The following ZNF805 variants were observed in gnomAD, a reference collection of about 807,000 sequenced individuals.
The protein encoded by ZNF805 is zinc finger protein 805, also known as CTC-444N24.8.
In ZNF805, 7 loss-of-function variants were observed where a neutral mutation model predicts 13.6. The observed-to-expected ratio is 0.51, with a 90% confidence interval of 0.29 to 0.97. ZNF805 has a LOEUF of 0.97. ZNF805 is among the 50% of genes least tolerant of loss of function. ZNF805 has a pLI of 0.08. For synonymous variants in ZNF805, 293 were observed against 279.8 expected (o/e 1.05, Z -0.47); for missense variants, 604 against 771.0 (o/e 0.78, Z 2.57).
chr19:57,245,603 C>A (rs549556651), intron 2 of ZNF805, among the ~76,000 whole-genome samples: 2 of 148,622 alleles, frequency 1.3e-5, no homozygotes, highest in Non-Finnish European at 3.0e-5. Context: ...CACGGTGCAA[C>A]CCTGTCTCTA....
chr19:57,253,373 G>A lies in ZNF805; in HGVS notation c.554G>A (p.Cys185Tyr), dbSNP rs1278651331. 1 of 1,562,122 alleles carries A rather than the reference G, an allele frequency of 6.4e-7. No individual in the cohort carries two copies. The highest frequency in any genetic ancestry group is 8.7e-7 in the Non-Finnish European group (1 of 1,152,754). ...RVSLGDDVHD[C>Y]DSHGSGKNPV... ...TCCTTAGGAGATGATGTCCATGACT[G>A]TGACTCACATGGATCAGGTAAAAAT... The change falls in exon 4 of 4, where the codon TGT (cysteine) becomes TAT (tyrosine). Residue 185 changes from cysteine to tyrosine, a missense_variant. By Grantham distance (194) the Cys-to-Tyr change is radical. Transcript: ENST00000414468. The surrounding 1 kb of genome is among the most constrained non-coding windows in gnomAD (Gnocchi z 4.4).
rs1170398174 is a variant in ZNF805 at position 57,261,755 on chromosome 19, T to G, written c.*7052T>G. ...CCTCAAGACCCCTTCCAGATTTGATTTGCTAGGAAGACTCACAGGACTCAG... is the reference window on the plus strand; with the variant it reads ...CCTCAAGACCCCTTCCAGATTTGATGTGCTAGGAAGACTCACAGGACTCAG... On this transcript the variant is annotated 3_prime_UTR_variant, in exon 4 of 4. Coordinates refer to ENST00000414468, the MANE Select transcript of ZNF805 (RefSeq NM_001023563.4). The G allele has an allele frequency of 1.2e-5, 2 of 167,034 alleles. No homozygotes were observed. Among genetic ancestry groups the G allele is most frequent in the Admixed American group, 6.5e-5 (1 of 15,278 alleles). 10.3% of individuals were successfully genotyped at this position (167,034 alleles called of 1,614,324 possible). A position where few individuals can be genotyped will look rare whatever the true frequency, so the allele number is the denominator to read the frequency against.
At chr19:57,242,622 A>G (rs1232286406) in intron 1 of ZNF805, among the ~76,000 whole-genome samples, 1 of 152,190 alleles carries the variant, frequency 6.6e-6, no homozygotes, top group African/African-American at 2.4e-5. Context: ...GGGAAGGAAA[A>G]GGCTAATGGT....
Position 57,258,884 on chromosome 19 carries a change from A to G in ZNF805, c.*4181A>G, listed in dbSNP as rs2087706613. On this transcript the variant is annotated 3_prime_UTR_variant, in exon 4 of 4. Transcript: ENST00000414468. Reference sequence around the variant, plus strand: ...CTAGGGTCAGTCTGCTGGTGTCTCTAAAAGTGTCTTTATGTTCCCTTCATT... The same window carrying G: ...CTAGGGTCAGTCTGCTGGTGTCTCTGAAAGTGTCTTTATGTTCCCTTCATT... Among the ~76,000 whole-genome samples, 1 of 152,140 alleles carries G rather than the reference A, an allele frequency of 6.6e-6. No individual in the cohort carries two copies. The highest frequency in any genetic ancestry group is 2.4e-5 in the African/African-American group (1 of 41,424).
intron 2 of ZNF805, among the ~76,000 whole-genome samples, chr19:57,245,747 C>T (rs2087613604): frequency 6.6e-6 from 1 of 151,768 alleles, no homozygotes; most frequent in African/African-American, 2.4e-5. Flanking sequence ...CCACTGCACT[C>T]CAGCCTGGGC....
chr19:57,245,602 A>AT (rs2087610393), intron 2 of ZNF805, among the ~76,000 whole-genome samples: 2 of 148,278 alleles, frequency 1.3e-5, no homozygotes, highest in African/African-American at 5.0e-5. Context: ...ACACGGTGCA[A>AT]CCCTGTCTCT....
In ZNF805 at chr19:57,240,701, A is replaced by G; in HGVS notation, c.-191A>G. On this transcript the variant is annotated 5_prime_UTR_variant, in exon 1 of 4. An upstream start codon of the reference 5' UTR is lost. Coordinates refer to ENST00000414468, the MANE Select transcript of ZNF805 (RefSeq NM_001023563.4). Reference sequence around the variant, plus strand: ...CCGCCTCCCTGGCGGCGCTGGGGAAATGAGCAGGTAGGAGGCCGACAGCGA... The same window carrying G: ...CCGCCTCCCTGGCGGCGCTGGGGAAGTGAGCAGGTAGGAGGCCGACAGCGA... 1 of 514,730 alleles carries G rather than the reference A, an allele frequency of 1.9e-6. No individual in the cohort carries two copies. Among genetic ancestry groups the G allele is most frequent in the Non-Finnish European group, 3.4e-6 (1 of 291,682 alleles). The allele number at this position is 514,730 out of a possible 1,614,324, so 31.9% of individuals were successfully genotyped here.
Position 57,240,723 on chromosome 19 carries a change from G to T in ZNF805, c.-169G>T. On this transcript the variant is annotated 5_prime_UTR_variant, in exon 1 of 4. Coordinates refer to ENST00000414468, the MANE Select transcript of ZNF805 (RefSeq NM_001023563.4). ...GAAATGAGCAGGTAGGAGGCCGACA[G>T]CGACCTCCGCGTCTCGGAGCGAACC... The T allele has an allele frequency of 5.1e-6, 3 of 588,452 alleles. No individual in the cohort carries two copies. The highest frequency in any genetic ancestry group is 8.7e-6 in the Non-Finnish European group (3 of 346,534). 36.5% of individuals were successfully genotyped at this position (588,452 alleles called of 1,614,324 possible).
At chr19:57,250,139 T>C (rs1280907491) in intron 3 of ZNF805, among the ~76,000 whole-genome samples, 1 of 152,210 alleles carries the variant, frequency 6.6e-6, no homozygotes. Context: ...CCTCCATGAG[T>C]CCCTGCATCC....
At chr19:57,249,462 G>A (rs973167482) in intron 3 of ZNF805, among the ~76,000 whole-genome samples, 2 of 152,172 alleles carry the variant, frequency 1.3e-5, no homozygotes, top group South Asian at 4.1e-4. Context: ...GTTTGAAGTT[G>A]TAATCATGTG....
At chr19:57,252,776 CTATT>C (rs775084798) in intron 3 of ZNF805, among the ~76,000 whole-genome samples, 1 of 152,094 alleles carries the variant, frequency 6.6e-6, no homozygotes, top group Non-Finnish European at 1.5e-5. Context: ...TTAGGATAAA[CTATT>C]TAGGTACCTA....
chr19:57,254,886 AT>A lies in ZNF805; in HGVS notation c.*188del. The A allele has an allele frequency of 1.6e-6, 1 of 618,478 alleles. No individual in the cohort carries two copies. Among genetic ancestry groups the A allele is most frequent in the Non-Finnish European group, 2.8e-6 (1 of 359,944 alleles). The allele number at this position is 618,478 out of a possible 1,614,324, so 38.3% of individuals were successfully genotyped here. A position where few individuals can be genotyped will look rare whatever the true frequency, so the allele number is the denominator to read the frequency against. ...TTTACAGTGCAATGTTATCTCAGGA[AT>A]TTTTATAAACAGAAAGAGGTGACAT... On this transcript the variant is annotated 3_prime_UTR_variant, in exon 4 of 4. Transcript: ENST00000414468.
chr19:57,245,247 T>C (rs1292628785), intron 2 of ZNF805, among the ~76,000 whole-genome samples: 1 of 152,206 alleles, frequency 6.6e-6, no homozygotes, highest in Non-Finnish European at 1.5e-5. Flanking sequence ...GCATTTGCTG[T>C]TCTCTTTGAT....
At chr19:57,246,975 C>T (rs967459485) in intron 2 of ZNF805, among the ~76,000 whole-genome samples, 24 of 151,864 alleles carry the variant, frequency 1.6e-4, no homozygotes, top group Admixed American at 3.3e-4. Flanking sequence ...GAAACACCTT[C>T]ATTTTATGAA....
chr19:57,259,404 T>G lies in ZNF805; in HGVS notation c.*4701T>G, dbSNP rs560615993. On this transcript the variant is annotated 3_prime_UTR_variant, in exon 4 of 4. Coordinates refer to ENST00000414468, the MANE Select transcript of ZNF805 (RefSeq NM_001023563.4). Reference sequence around the variant, plus strand: ...GTTGACTTTTTTTCAGCTCACTGATTCTTTTTTTCTGCCATATGCAGTCTA... The same window carrying G: ...GTTGACTTTTTTTCAGCTCACTGATGCTTTTTTTCTGCCATATGCAGTCTA... Among the ~76,000 whole-genome samples the G allele has an allele frequency of 6.6e-6, 1 of 152,312 alleles. No individual in the cohort carries two copies. The highest frequency in any genetic ancestry group is 2.1e-4 in the South Asian group (1 of 4,826).
chr19:57,246,500 G>A (rs186016152), intron 2 of ZNF805, among the ~76,000 whole-genome samples: 129 of 152,198 alleles, frequency 8.5e-4, no homozygotes, highest in Non-Finnish European at 1.6e-3. Flanking sequence ...AAAGCAGCCC[G>A]GGCATGGTGG....
chr19:57,253,564 C>T lies in ZNF805; in HGVS notation c.745C>T (p.His249Tyr). 6.2e-7 allele frequency: 1 copy of T among 1,613,918 alleles called. No homozygotes were observed. ...TAGCAAGAGTACATACCTCCTGCAGCACCACATGGTCCACACTGGGGAGAA... is the reference window on the plus strand; with the variant it reads ...TAGCAAGAGTACATACCTCCTGCAGTACCACATGGTCCACACTGGGGAGAA... ...TFSKSTYLLQ[H>Y]HMVHTGEKPY... The change falls in exon 4 of 4, where the codon CAC (histidine) becomes TAC (tyrosine). Residue 249 changes from histidine (H) to tyrosine (Y), a missense_variant. By Grantham distance (83) the His-to-Tyr change is moderately conservative. Around this residue, in one of 3 missense-constraint regions of ZNF805, gnomAD observed 327 missense variants for 378.2 expected, o/e 0.86. Transcript: ENST00000414468. The surrounding 1 kb of genome is among the most constrained non-coding windows in gnomAD (Gnocchi z 4.4).
Position 57,259,133 on chromosome 19 carries a change from T to C in ZNF805, c.*4430T>C, listed in dbSNP as rs1427253021. ...AAGTTTGGTTATGAGGTGTGTGACA[T>C]GGAATTTTTTTGAGTGTATCATGTT... On this transcript the variant is annotated 3_prime_UTR_variant, in exon 4 of 4. Transcript: ENST00000414468. 6.6e-6 allele frequency among the ~76,000 whole-genome samples: 1 copy of C among 152,204 alleles called. No individual in the cohort carries two copies. Among genetic ancestry groups the C allele is most frequent in the Non-Finnish European group, 1.5e-5 (1 of 68,038 alleles).
In ZNF805 at chr19:57,261,153, C is replaced by T. The variant is rs2087721472; in HGVS notation, c.*6450C>T. 6.6e-6 allele frequency among the ~76,000 whole-genome samples: 1 copy of T among 152,316 alleles called. No individual in the cohort carries two copies. The highest frequency in any genetic ancestry group is 1.5e-5 in the Non-Finnish European group (1 of 68,028). Reference sequence around the variant, plus strand: ...GTTTCCTGGTCATCACTTGTTTTTACTAAAATGGGTCAAACTGTGCTCATT... The same window carrying T: ...GTTTCCTGGTCATCACTTGTTTTTATTAAAATGGGTCAAACTGTGCTCATT... On this transcript the variant is annotated 3_prime_UTR_variant, in exon 4 of 4. Coordinates refer to ENST00000414468, the MANE Select transcript of ZNF805 (RefSeq NM_001023563.4).
Sources: allele counts gnomAD v4.1 joint callset (sites outside exome capture counted in the v4.1 genomes callset), GRCh38; gene constraint gnomAD v4.1.1; regional missense constraint gnomAD v4.1.1; non-coding constraint Gnocchi (gnomAD v3.1); transcripts MANE v1.5; gene names NCBI Gene and HGNC (gene_info 2026-07-23, HGNC 2026-07-21).